Variants in GALNT18 observed in about 807,000 individuals in gnomAD.
GALNT18 encodes the protein polypeptide N-acetylgalactosaminyltransferase 18.
In GALNT18, 44 loss-of-function variants were observed where a neutral mutation model predicts 69.5. That is an observed-to-expected ratio of 0.63 (90% CI 0.50 to 0.81). The LOEUF is 0.81. GALNT18 is among the 40% of genes least tolerant of loss of function. The pLI is 0.00. For missense variants in GALNT18, 715 were observed against 810.0 expected (o/e 0.88, Z 1.42); for synonymous variants, 364 against 318.2 (o/e 1.14, Z -1.53).
rs371409905 is a variant in GALNT18 at position 11,410,384 on chromosome 11, G to C, written c.595+22237C>G. 2.0e-5 allele frequency among the ~76,000 whole-genome samples: 3 copies of C among 152,178 alleles called. No individual in the cohort carries two copies. In the East Asian group the frequency reaches 5.8e-4, roughly 29 times the overall value. On this transcript the variant is annotated intron_variant, in intron 3 of 10. Coordinates refer to ENST00000227756, the MANE Select transcript of GALNT18 (RefSeq NM_198516.3). ...CACCCTGCCATCAGATCCTGCGGTC[G>C]GGGGATTGAAGATTGTGTGGAATAT...
rs189827027 is a variant in GALNT18 at position 11,320,569 on chromosome 11, C to A, written c.1512+6517G>T. Among the ~76,000 whole-genome samples the A allele has an allele frequency of 3.3e-5, 5 of 152,318 alleles. No homozygotes were observed. Among genetic ancestry groups the A allele is most frequent in the East Asian group, 3.9e-4 (2 of 5,186 alleles). On this transcript the variant is annotated intron_variant, in intron 9 of 10. Coordinates refer to ENST00000227756, the MANE Select transcript of GALNT18 (RefSeq NM_198516.3). This position sits in a 1 kb window ranked among gnomAD's most constrained non-coding sequence, Gnocchi z 4.9. ...GTCCACAGTCTCCTTCTGAGATGTACCCTGACTTCATTCTCAGGTAACACG... is the reference window on the plus strand; with the variant it reads ...GTCCACAGTCTCCTTCTGAGATGTAACCTGACTTCATTCTCAGGTAACACG...
At chr11:11,386,695 C>G (rs925423769) in intron 3 of GALNT18, among the ~76,000 whole-genome samples, 2 of 152,174 alleles carry the variant, frequency 1.3e-5, no homozygotes, top group Admixed American at 6.5e-5. Context: ...ATCATTTCAA[C>G]AACCCTAAGA....
At position 11,332,974 on chromosome 11, in the gene GALNT18, T is replaced by C; in HGVS notation, c.1279-143A>G. ...CATGTGGCACGTTAACTCTTGCATT[T>C]TCCCACGGGTACCTTAACCCCGTAA... On this transcript the variant is annotated intron_variant, in intron 7 of 10. Transcript: ENST00000227756. This position sits in a 1 kb window ranked among gnomAD's most constrained non-coding sequence, Gnocchi z 4.3. 1 of 816,050 alleles carries C rather than the reference T, an allele frequency of 1.2e-6. No homozygotes were observed. The highest frequency in any genetic ancestry group is 1.7e-5 in the South Asian group (1 of 57,528). The allele number at this position is 816,050 out of a possible 1,614,324, so 50.6% of individuals were successfully genotyped here.
At chr11:11,462,540 G>A (rs898959979) in intron 1 of GALNT18, among the ~76,000 whole-genome samples, 4 of 151,806 alleles carry the variant, frequency 2.6e-5, no homozygotes, top group South Asian at 2.1e-4. Context: ...TGATCCACCC[G>A]CCTCAGCCTC....
At chr11:11,557,357 A>G (rs1858356774) in intron 1 of GALNT18, among the ~76,000 whole-genome samples, 1 of 152,174 alleles carries the variant, frequency 6.6e-6, no homozygotes, top group Admixed American at 6.5e-5. Context: ...CTTGGATTCA[A>G]CTTTTGTCTC....
chr11:11,419,242 G>A (rs773599081), intron 3 of GALNT18, among the ~76,000 whole-genome samples: 8 of 152,152 alleles, frequency 5.3e-5, no homozygotes, highest in Non-Finnish European at 1.0e-4. Flanking sequence ...AACCCTTCCT[G>A]CTCACTAGTC....
At chr11:11,578,702 C>T (rs1858992789) in intron 1 of GALNT18, among the ~76,000 whole-genome samples, 2 of 152,254 alleles carry the variant, frequency 1.3e-5, no homozygotes, top group South Asian at 4.1e-4. Context: ...GCAGCCGGGC[C>T]TCCTGTGCGC....
rs911280340 is a variant in GALNT18, at chr11:11,341,150, A to G, written c.1093-146T>C. Reference sequence around the variant, plus strand: ...ATCACTCTCTGTGAAGGAGTAGGCCATACCTGATTTCTGCTCCTATAGCAG... The same window carrying G: ...ATCACTCTCTGTGAAGGAGTAGGCCGTACCTGATTTCTGCTCCTATAGCAG... On this transcript the variant is annotated intron_variant, in intron 6 of 10. Coordinates refer to ENST00000227756, the MANE Select transcript of GALNT18 (RefSeq NM_198516.3). The surrounding 1 kb of genome is among the most constrained non-coding windows in gnomAD (Gnocchi z 6.3). The G allele has an allele frequency of 1.4e-5, 9 of 652,148 alleles. No individual in the cohort carries two copies. The highest frequency in any genetic ancestry group is 5.5e-5 in the African/African-American group (3 of 54,802). The allele number at this position is 652,148 out of a possible 1,614,324, so 40.4% of individuals were successfully genotyped here.
At chr11:11,368,459 C>T (rs1243501952) in intron 6 of GALNT18, among the ~76,000 whole-genome samples, 7 of 152,202 alleles carry the variant, frequency 4.6e-5, no homozygotes. Context: ...GAAAGAGGAT[C>T]ATCTCCATTT....
At chr11:11,484,784 C>T (rs570458494) in intron 1 of GALNT18, among the ~76,000 whole-genome samples, 17 of 152,160 alleles carry the variant, frequency 1.1e-4, no homozygotes, top group African/African-American at 3.4e-4. Flanking sequence ...GCAGCCCTGC[C>T]AAAGGTCCAA....
chr11:11,572,740 C>T (rs1310361932), intron 1 of GALNT18, among the ~76,000 whole-genome samples: 2 of 152,196 alleles, frequency 1.3e-5, no homozygotes, highest in Non-Finnish European at 2.9e-5. Flanking sequence ...GCAACCCTCG[C>T]CTTCCTGCCA....
intron 1 of GALNT18, among the ~76,000 whole-genome samples, chr11:11,509,702 C>T (rs1378630888): frequency 1.3e-5 from 2 of 152,244 alleles, no homozygotes; most frequent in African/African-American, 2.4e-5. Context: ...ATAGAGGCCT[C>T]AGCCCTTTGT....
intron 2 of GALNT18, among the ~76,000 whole-genome samples, chr11:11,448,255 C>T (rs762496213): frequency 1.3e-5 from 2 of 152,136 alleles, no homozygotes; most frequent in Non-Finnish European, 2.9e-5. Flanking sequence ...GGTACATGCC[C>T]ACATTTTCAA....
At chr11:11,501,249 TTG>T (rs1478823735) in intron 1 of GALNT18, among the ~76,000 whole-genome samples, 1 of 152,218 alleles carries the variant, frequency 6.6e-6, no homozygotes, top group African/African-American at 2.4e-5. Flanking sequence ...CCCTCGTGGT[TTG>T]TGTTAGAAAA....
At chr11:11,446,327 T>A (rs1855651982) in intron 2 of GALNT18, among the ~76,000 whole-genome samples, 1 of 152,230 alleles carries the variant, frequency 6.6e-6, no homozygotes, top group South Asian at 2.1e-4. Flanking sequence ...ACCCTTTCCT[T>A]GGCTTCCTTT....
rs1326449766 is a variant in GALNT18 at position 11,592,297 on chromosome 11, T to TA, written c.235+29061dup. Among the ~76,000 whole-genome samples the TA allele has an allele frequency of 6.6e-6, 1 of 152,090 alleles. No individual in the cohort carries two copies. Among genetic ancestry groups the TA allele is most frequent in the East Asian group, 1.9e-4 (1 of 5,198 alleles). On this transcript the variant is annotated intron_variant, in intron 1 of 10. Coordinates refer to ENST00000227756, the MANE Select transcript of GALNT18 (RefSeq NM_198516.3). The surrounding 1 kb of genome is among the most constrained non-coding windows in gnomAD (Gnocchi z 5.9). ...AATGCTAAGAAATTATATGCACGGT[T>TA]ACGAAAAAAAATCAAAGATGTTTCC...
intron 1 of GALNT18, among the ~76,000 whole-genome samples, chr11:11,568,647 C>A (rs1858710215): frequency 6.6e-6 from 1 of 152,088 alleles, no homozygotes. Context: ...GCAAGATGTA[C>A]AGGAGAGGGC....
Position 11,607,962 on chromosome 11 carries a change from C to T in GALNT18, c.235+13397G>A, listed in dbSNP as rs537341900. On this transcript the variant is annotated intron_variant, in intron 1 of 10. Transcript: ENST00000227756. The stretch of plus-strand genomic sequence containing the variant: ...ACAAAACAAATCTGTAAAGGTTTTA[C>T]AAAACAAATATTTCTCCACAAACAA... Among the ~76,000 whole-genome samples the T allele has an allele frequency of 7.2e-5, 11 of 152,304 alleles. No homozygotes were observed. In the East Asian group the frequency reaches 2.1e-3, roughly 29 times the overall value.
At chr11:11,551,206 T>C (rs1858179806) in intron 1 of GALNT18, among the ~76,000 whole-genome samples, 1 of 152,134 alleles carries the variant, frequency 6.6e-6, no homozygotes, top group African/African-American at 2.4e-5. Flanking sequence ...CTCAATACTC[T>C]ACATTTCTCT....
Sources: gnomAD v4.1 joint callset for allele counts (sites outside exome capture counted in the v4.1 genomes callset) on GRCh38, gnomAD v4.1.1 for gene constraint, Gnocchi (gnomAD v3.1) non-coding constraint, MANE v1.5 for transcripts, NCBI Gene and HGNC (gene_info 2026-07-23, HGNC 2026-07-21) for gene names.